The following ZNF804B variants were observed in gnomAD, a reference collection of about 807,000 sequenced individuals.
ZNF804B encodes the protein zinc finger protein 804B.
A neutral mutation model predicts 101.4 loss-of-function variants in ZNF804B; 80 were observed. The observed-to-expected ratio is 0.79, with a 90% CI of 0.66 to 0.95. ZNF804B has a LOEUF of 0.95. Ranked by LOEUF, ZNF804B falls within the 40% of genes least tolerant of loss-of-function variation. The pLI is 0.00. For missense variants in ZNF804B, 1,673 were observed against 1,561.9 expected, an observed-to-expected ratio of 1.07 and a Z score of -1.20; for synonymous variants, 622 against 558.8, an observed-to-expected ratio of 1.11 and a Z score of -1.59.
intron 1 of ZNF804B, among the ~76,000 whole-genome samples, chr7:88,857,417 A>G (rs190332922): frequency 7.9e-5 from 12 of 152,322 alleles, no homozygotes; most frequent in African/African-American, 2.6e-4. Flanking sequence ...GCAATAAAAA[A>G]TGATAAAGGG....
At position 88,981,672 on chromosome 7, in the gene ZNF804B, T is replaced by C. The variant is rs1584052596; in HGVS notation, c.108+221588T>C. Among the ~76,000 whole-genome samples the C allele has an allele frequency of 1.3e-5, 2 of 152,094 alleles. 1 individual carries two copies. Among genetic ancestry groups the C allele is most frequent in the South Asian group, 4.1e-4 (2 of 4,822 alleles). ...AAAATTTAGATTCTGACTGCTAGGG[T>C]GGATGATTCCCCTCTGGCTAGGCTG... On this transcript the variant is annotated intron_variant, in intron 1 of 3. Coordinates refer to ENST00000333190, the MANE Select transcript of ZNF804B (RefSeq NM_181646.5).
At chr7:89,122,524 G>T (rs1255633018) in intron 1 of ZNF804B, among the ~76,000 whole-genome samples, 1 of 152,146 alleles carries the variant, frequency 6.6e-6, no homozygotes, top group Non-Finnish European at 1.5e-5. Context: ...TACAGGCAGT[G>T]CAACCCTTAT....
rs575617371 is a variant in ZNF804B, at chr7:89,078,109, G to A, written c.109-140046G>A. Among the ~76,000 whole-genome samples, 75 of 152,168 alleles carry A rather than the reference G, an allele frequency of 4.9e-4. No homozygotes were observed. The East Asian group carries it at 0.014, about 27-fold the overall frequency. ...TTATCAATTAACGTTAAATGTTTAC[G>A]AACTTAGTAATGGGATAGTGAGCTC... On this transcript the variant is annotated intron_variant, in intron 1 of 3. Coordinates refer to ENST00000333190, the MANE Select transcript of ZNF804B (RefSeq NM_181646.5).
At chr7:88,926,004 G>C (rs1225749509) in intron 1 of ZNF804B, among the ~76,000 whole-genome samples, 1 of 152,140 alleles carries the variant, frequency 6.6e-6, no homozygotes, top group Non-Finnish European at 1.5e-5. Flanking sequence ...CCATAGACTG[G>C]AGTCAGGTAC....
intron 1 of ZNF804B, among the ~76,000 whole-genome samples, chr7:89,155,135 A>C (rs1790938264): frequency 6.6e-6 from 1 of 152,110 alleles, no homozygotes; most frequent in Non-Finnish European, 1.5e-5. Flanking sequence ...GCTTTCAAAA[A>C]CTACCTATTT....
At chr7:89,131,548 T>A (rs546924891) in intron 1 of ZNF804B, among the ~76,000 whole-genome samples, 66 of 151,908 alleles carry the variant, frequency 4.3e-4, no homozygotes, top group African/African-American at 1.4e-3. Context: ...AGAAGATGGG[T>A]GAAGGAAATG....
At chr7:89,113,924 TAA>T (rs949747151) in intron 1 of ZNF804B, among the ~76,000 whole-genome samples, 3 of 135,588 alleles carry the variant, frequency 2.2e-5, no homozygotes, top group African/African-American at 2.7e-5. Flanking sequence ...ACTCCAGCCA[TAA>T]AAAAAAAAAA....
chr7:88,951,426 G>A (rs1010620195), intron 1 of ZNF804B, among the ~76,000 whole-genome samples: 2 of 151,686 alleles, frequency 1.3e-5, no homozygotes, highest in Non-Finnish European at 3.0e-5. Flanking sequence ...CTTCTTCAAA[G>A]GAAAATATAT....
intron 1 of ZNF804B, among the ~76,000 whole-genome samples, chr7:89,034,127 T>C (rs1584086388): frequency 6.6e-6 from 1 of 152,184 alleles, no homozygotes; most frequent in Non-Finnish European, 1.5e-5. Flanking sequence ...AGTTGTTTTA[T>C]GTTTAATTCA....
intron 1 of ZNF804B, among the ~76,000 whole-genome samples, chr7:88,818,773 G>A (rs1790926306): frequency 6.6e-6 from 1 of 152,138 alleles, no homozygotes; most frequent in Non-Finnish European, 1.5e-5. Context: ...TCAGAGCTTT[G>A]ATATCATTAT....
intron 1 of ZNF804B, among the ~76,000 whole-genome samples, chr7:89,056,323 G>C (rs1218931521): frequency 2.0e-5 from 3 of 152,078 alleles, no homozygotes; most frequent in Non-Finnish European, 2.9e-5. Context: ...TGGTTGCTGA[G>C]CTCTAAGGGA....
intron 1 of ZNF804B, among the ~76,000 whole-genome samples, chr7:89,082,110 A>G (rs1333058601): frequency 2.0e-5 from 3 of 151,802 alleles, no homozygotes; most frequent in Non-Finnish European, 1.5e-5. Context: ...CCAAAATATT[A>G]CCCAACTTTG....
chr7:89,327,221 T>C, intron 2 of ZNF804B, 123 bp from the exon 3 acceptor site: 1 of 856,168 alleles, frequency 1.2e-6, no homozygotes, highest in South Asian at 2.3e-5. Flanking sequence ...AGAAGATACT[T>C]TTACTCTTTC....
chr7:89,244,623 A>G (rs1328483922), intron 2 of ZNF804B, among the ~76,000 whole-genome samples: 1 of 152,150 alleles, frequency 6.6e-6, no homozygotes, highest in African/African-American at 2.4e-5. Flanking sequence ...AGAAAACTTC[A>G]TCTTTTAAAA....
chr7:88,783,747 A>C (rs1790261918), intron 1 of ZNF804B, among the ~76,000 whole-genome samples: 3 of 152,158 alleles, frequency 2.0e-5, no homozygotes, highest in Admixed American at 2.0e-4. Flanking sequence ...ATGATACGTT[A>C]GTTTATTCTA....
chr7:89,245,892 A>C (rs1584080153), intron 2 of ZNF804B, among the ~76,000 whole-genome samples: 1 of 152,298 alleles, frequency 6.6e-6, no homozygotes, highest in Admixed American at 6.5e-5. Flanking sequence ...TCCACTGAGG[A>C]TCTAAGTAAC....
At chr7:88,864,126 T>G (rs1162311176) in intron 1 of ZNF804B, among the ~76,000 whole-genome samples, 4 of 152,210 alleles carry the variant, frequency 2.6e-5, no homozygotes, top group African/African-American at 9.6e-5. Context: ...CTTCATATAT[T>G]TTTTCTTAAC....
At chr7:89,172,804 G>C (rs10241379) in intron 1 of ZNF804B, among the ~76,000 whole-genome samples, 5 of 152,062 alleles carry the variant, frequency 3.3e-5, no homozygotes, top group African/African-American at 1.2e-4. Flanking sequence ...CTTAGCTTTG[G>C]AATTGGTCTT....
intron 1 of ZNF804B, among the ~76,000 whole-genome samples, chr7:89,117,378 CAT>C (rs1326677402): frequency 2.0e-5 from 3 of 152,186 alleles, no homozygotes; most frequent in African/African-American, 7.2e-5. Context: ...ATATAATTCT[CAT>C]ATGTCTCTTC....
Sources: allele counts gnomAD v4.1 joint callset (sites outside exome capture counted in the v4.1 genomes callset), GRCh38; gene constraint gnomAD v4.1.1; transcripts MANE v1.5; gene names NCBI Gene and HGNC (gene_info 2026-07-23, HGNC 2026-07-21).